Variants in GRM7 observed in about 807,000 individuals in gnomAD.
GRM7 encodes the protein glutamate metabotropic receptor 7.
In GRM7, 35 loss-of-function variants were observed where a neutral mutation model predicts 84.5. The ratio of observed to expected loss-of-function variants is 0.41; its 90% confidence interval spans 0.32 to 0.55. GRM7 has a LOEUF of 0.55. Among genes scored for constraint, GRM7 ranks in the 20% least tolerant of loss-of-function variants. The probability of loss-of-function intolerance (pLI) is 0.19; values close to 1 mark genes in which losing one functional copy is unlikely to be tolerated. For missense variants in GRM7, 1,003 were observed against 1,194.6 expected (o/e 0.84, Z 2.36); for synonymous variants, 487 against 455.1 (o/e 1.07, Z -0.89).
intron 1 of GRM7, among the ~76,000 whole-genome samples, chr3:7,079,883 G>A (rs979227650): frequency 6.6e-6 from 1 of 152,096 alleles, no homozygotes; most frequent in Non-Finnish European, 1.5e-5. Context: ...TATAATTCCT[G>A]ACATGGAGCA....
At chr3:7,467,949 G>A (rs1298331001) in intron 7 of GRM7, among the ~76,000 whole-genome samples, 2 of 152,146 alleles carry the variant, frequency 1.3e-5, no homozygotes, top group African/African-American at 4.8e-5. Flanking sequence ...AAGTTGTAAT[G>A]TTTGTTCCAT....
chr3:7,369,153 C>T (rs527488942), intron 4 of GRM7, among the ~76,000 whole-genome samples: 9 of 152,236 alleles, frequency 5.9e-5, no homozygotes, highest in Admixed American at 5.9e-4. Context: ...CTCCTGGGCT[C>T]AAGTGATCCT....
intron 7 of GRM7, among the ~76,000 whole-genome samples, chr3:7,469,453 T>A (rs1322109930): frequency 6.6e-6 from 1 of 152,228 alleles, no homozygotes; most frequent in African/African-American, 2.4e-5. Flanking sequence ...CAGTGGCTAT[T>A]TGAGAGCATG....
At chr3:7,654,917 A>C (rs1175112431) in intron 8 of GRM7, among the ~76,000 whole-genome samples, 1 of 152,194 alleles carries the variant, frequency 6.6e-6, no homozygotes. Context: ...GAAGACTGGA[A>C]ATTTACCCTT....
chr3:7,623,246 T>C (rs557359863), intron 8 of GRM7, among the ~76,000 whole-genome samples: 2 of 152,180 alleles, frequency 1.3e-5, no homozygotes, highest in East Asian at 3.9e-4. Flanking sequence ...TGAAGGATGA[T>C]GTGCAGCCAT....
At chr3:7,072,963 T>C (rs1697940458) in intron 1 of GRM7, among the ~76,000 whole-genome samples, 2 of 152,184 alleles carry the variant, frequency 1.3e-5, no homozygotes, top group Admixed American at 1.3e-4. Context: ...TTATTGCTTT[T>C]GTGGACAATC....
At position 7,452,639 on chromosome 3, in the gene GRM7, G is replaced by T; in HGVS notation, c.1207G>T (p.Glu403Ter). Reference protein sequence around the residue: ...QERIGKDSNYEQEGKVQFVID... With the variant: ...QERIGKDSNY ...GAGAATTGGAAAAGATTCCAACTATGAGCAGGAGGGTAAAGTCCAGTTCGT... is the reference window on the plus strand; with the variant it reads ...GAGAATTGGAAAAGATTCCAACTATTAGCAGGAGGGTAAAGTCCAGTTCGT... The change falls in exon 6 of 10, where the codon GAG (glutamate) becomes TAG (stop). Residue 403 changes from glutamate (E) to a stop codon, truncating the protein, a stop_gained. Transcript: ENST00000357716. LOFTEE classifies it high-confidence loss of function. The T allele has an allele frequency of 6.2e-7, 1 of 1,612,696 alleles. No individual in the cohort carries two copies. The highest frequency in any genetic ancestry group is 1.1e-5 in the South Asian group (1 of 91,048).
rs139036456 is a variant in GRM7 at position 7,188,165 on chromosome 3, C to T, written c.736+41497C>T. Among the ~76,000 whole-genome samples the T allele has an allele frequency of 3.6e-4, 55 of 151,996 alleles. No homozygotes were observed. Among genetic ancestry groups the T allele is most frequent in the Non-Finnish European group, 5.9e-4 (40 of 67,996 alleles). On this transcript the variant is annotated intron_variant, in intron 2 of 9. Coordinates refer to ENST00000357716, the MANE Select transcript of GRM7 (RefSeq NM_000844.4). The surrounding 1 kb of genome is among the most constrained non-coding windows in gnomAD (Gnocchi z 4.2). ...GCTATGACGTGAGAAAGGGACCTGTCGGAAGTGAGGAATGAAGAGATGCTT... is the reference window on the plus strand; with the variant it reads ...GCTATGACGTGAGAAAGGGACCTGTTGGAAGTGAGGAATGAAGAGATGCTT...
intron 7 of GRM7, among the ~76,000 whole-genome samples, chr3:7,547,631 C>T (rs1033626155): frequency 6.6e-6 from 1 of 152,126 alleles, no homozygotes; most frequent in Non-Finnish European, 1.5e-5. Context: ...AAGTCCAGGT[C>T]AGGGTGTGTG....
At chr3:7,629,443 T>A (rs1351134049) in intron 8 of GRM7, among the ~76,000 whole-genome samples, 1 of 152,166 alleles carries the variant, frequency 6.6e-6, no homozygotes, top group Non-Finnish European at 1.5e-5. Context: ...CACTATGTCC[T>A]CACATGACCT....
chr3:7,220,770 T>C lies in GRM7; in HGVS notation c.736+74102T>C, dbSNP rs376835181. Among the ~76,000 whole-genome samples, 95 of 152,334 alleles carry C rather than the reference T, an allele frequency of 6.2e-4. 4 individuals are homozygous for C. The South Asian group carries it at 0.014, about 23-fold the overall frequency. ...AATTGTCTTCACAATTTTTCTGTAA[T>C]CTGAAACCTTCTAAAATATAGTTTA... On this transcript the variant is annotated intron_variant, in intron 2 of 9. Coordinates refer to ENST00000357716, the MANE Select transcript of GRM7 (RefSeq NM_000844.4).
intron 1 of GRM7, among the ~76,000 whole-genome samples, chr3:6,973,262 A>G (rs112548591): frequency 1.3e-5 from 2 of 152,040 alleles, no homozygotes; most frequent in African/African-American, 4.8e-5. Flanking sequence ...GCACTCAATC[A>G]TTCATTCATT....
chr3:7,433,301 T>G (rs139057015), intron 5 of GRM7, among the ~76,000 whole-genome samples: 1 of 152,204 alleles, frequency 6.6e-6, no homozygotes, highest in Non-Finnish European at 1.5e-5. Flanking sequence ...GGCATAATAG[T>G]GATGCACGTG....
At chr3:7,354,828 C>T (rs908388290) in intron 4 of GRM7, among the ~76,000 whole-genome samples, 1 of 152,196 alleles carries the variant, frequency 6.6e-6, no homozygotes, top group African/African-American at 2.4e-5. Context: ...GCCGTTTGCT[C>T]CATATCTGCC....
chr3:7,413,475 C>T (rs1696029910), intron 4 of GRM7, among the ~76,000 whole-genome samples: 1 of 152,190 alleles, frequency 6.6e-6, no homozygotes, highest in Admixed American at 6.5e-5. Context: ...TAAGAGGAGG[C>T]AAGTCAGCAA....
intron 2 of GRM7, among the ~76,000 whole-genome samples, chr3:7,255,103 C>A (rs769211290): frequency 8.5e-5 from 13 of 152,162 alleles, no homozygotes; most frequent in Non-Finnish European, 5.9e-5. Context: ...GTTCTTTATA[C>A]AGGATCTATG....
At chr3:7,168,162 C>A (rs1441892515) in intron 2 of GRM7, among the ~76,000 whole-genome samples, 4 of 152,054 alleles carry the variant, frequency 2.6e-5, no homozygotes. Context: ...AGTTTCTCAG[C>A]ATTTATAAGC....
At chr3:7,209,380 A>G (rs1696345785) in intron 2 of GRM7, among the ~76,000 whole-genome samples, 1 of 152,242 alleles carries the variant, frequency 6.6e-6, no homozygotes, top group Admixed American at 6.5e-5. Context: ...TGAGTGAAGA[A>G]ATGAATGAAG....
rs1575124826 is a variant in GRM7, at chr3:7,009,335, C to T, written c.520-137117C>T. Among the ~76,000 whole-genome samples, 6 of 152,238 alleles carry T rather than the reference C, an allele frequency of 3.9e-5. No homozygotes were observed. The South Asian group carries it at 1.2e-3, about 32-fold the overall frequency. On this transcript the variant is annotated intron_variant, in intron 1 of 9. Transcript: ENST00000357716. The stretch of plus-strand genomic sequence containing the variant: ...ATTGTACTACTTAATATAATTAACT[C>T]CTCCAACAATTATAATACAAGAACT...
Sources: allele counts gnomAD v4.1 joint callset (sites outside exome capture counted in the v4.1 genomes callset), GRCh38; gene constraint gnomAD v4.1.1; non-coding constraint Gnocchi (gnomAD v3.1); transcripts MANE v1.5; gene names NCBI Gene and HGNC (gene_info 2026-07-23, HGNC 2026-07-21).